STAMBPL1: variants seen among roughly 807,000 people sequenced by gnomAD.
STAMBPL1 encodes STAM binding protein like 1, also known as AMSH-like protease.
Under a neutral mutation model 52.9 loss-of-function variants are expected in STAMBPL1, and 44 were observed. The observed-to-expected ratio is 0.83, with a 90% CI of 0.65 to 1.07. The LOEUF (loss-of-function observed/expected upper bound fraction) is 1.07. Ranked by LOEUF, STAMBPL1 falls within the 50% of genes least tolerant of loss-of-function variation. The probability of loss-of-function intolerance (pLI) is 0.00; values close to 1 mark genes in which losing one functional copy is unlikely to be tolerated. For synonymous variants in STAMBPL1, 164 were observed against 177.3 expected, an observed-to-expected ratio of 0.92 and a Z score of 0.60; for missense variants, 511 against 520.8, an observed-to-expected ratio of 0.98 and a Z score of 0.18.
intron 1 of STAMBPL1, among the ~76,000 whole-genome samples, chr10:88,884,689 T>A (rs893396262): frequency 1.3e-5 from 2 of 152,206 alleles, no homozygotes; most frequent in African/African-American, 4.8e-5. Flanking sequence ...TGCGGAGCCC[T>A]GGTGTAACCT....
chr10:88,886,523 CT>C (rs575488502), intron 1 of STAMBPL1, among the ~76,000 whole-genome samples: 31 of 148,262 alleles, frequency 2.1e-4, no homozygotes, highest in African/African-American at 3.9e-4. Flanking sequence ...GTGAATTTGG[CT>C]TTTTTTTTTA....
chr10:88,922,756 T>C (rs552635049), intron 10 of STAMBPL1, among the ~76,000 whole-genome samples: 4 of 152,282 alleles, frequency 2.6e-5, no homozygotes, highest in East Asian at 1.9e-4. Context: ...GAAAATGACA[T>C]TTAAAATGTT....
chr10:88,901,729 G>A lies in STAMBPL1; in HGVS notation c.21G>A (p.Val7=). 2 of 1,612,446 alleles carry A rather than the reference G, an allele frequency of 1.2e-6. No homozygotes were observed. The highest frequency in any genetic ancestry group is 1.7e-6 in the Non-Finnish European group (2 of 1,179,344). Residue 7 remains valine (V), a synonymous_variant, in exon 2 of 11, where the codon GTG becomes GTA. Transcript: ENST00000371926. ...ACAACATGGATCAGCCTTTTACTGT[G>A]AATTCTCTGGTAGGTCACACCAGCT... MDQPFT[V]NSLKKLAAMP...
chr10:88,891,597 A>C (rs1386251231), intron 1 of STAMBPL1, among the ~76,000 whole-genome samples: 1 of 152,244 alleles, frequency 6.6e-6, no homozygotes, highest in Non-Finnish European at 1.5e-5. Context: ...CATCATTAAT[A>C]ATTGAACAAA....
At chr10:88,913,487 C>T in intron 6 of STAMBPL1, 29 bp downstream of exon 6, 1 of 1,560,640 alleles carries the variant, frequency 6.4e-7, no homozygotes, top group East Asian at 2.2e-5. Flanking sequence ...CCATGTGAGA[C>T]ACTGAGCCTC....
At position 88,923,245 on chromosome 10, in the gene STAMBPL1, C is replaced by T. The variant is rs376278638; in HGVS notation, c.*21C>T. ...GGTGATATGTTCTGAATGTAAGCACCGTCAACATCAGACACCTACTCATGG... is the reference window on the plus strand; with the variant it reads ...GGTGATATGTTCTGAATGTAAGCACTGTCAACATCAGACACCTACTCATGG... On this transcript the variant is annotated 3_prime_UTR_variant, in exon 11 of 11. Transcript: ENST00000371926. The T allele has an allele frequency of 3.2e-5, 50 of 1,583,126 alleles. No homozygotes were observed. Among genetic ancestry groups the T allele is most frequent in the African/African-American group, 2.7e-4 (20 of 73,102 alleles).
Position 88,913,434 on chromosome 10 carries a change from G to C in STAMBPL1, c.754G>C (p.Ala252Pro). The stretch of plus-strand genomic sequence containing the variant: ...TCCTGTAAACAGGGCCTTAACGCCA[G>C]CTGCTACTCTAAGTGCTGTTCAGAG... The part of the protein sequence containing the change: ...SPPVNRALTP[A>P]ATLSAVQNLV... The change falls in exon 6 of 11, where the codon GCT (alanine) becomes CCT (proline). Residue 252 changes from alanine (A) to proline (P), a missense_variant. Ala to Pro is a conservative substitution (Grantham distance 27). This residue lies in a region of STAMBPL1 where 358 missense variants were observed against 343.5 expected (regional missense o/e 1.04). Coordinates refer to ENST00000371926, the MANE Select transcript of STAMBPL1 (RefSeq NM_020799.4). 6.2e-7 allele frequency: 1 copy of C among 1,613,018 alleles called. No individual in the cohort carries two copies. The highest frequency in any genetic ancestry group is 8.5e-7 in the Non-Finnish European group (1 of 1,179,366).
intron 4 of STAMBPL1, among the ~76,000 whole-genome samples, chr10:88,910,146 A>T (rs867130926): frequency 2.0e-5 from 3 of 152,174 alleles, no homozygotes; most frequent in Non-Finnish European, 2.9e-5. Context: ...AGATATATGA[A>T]TAAATACATA....
Position 88,918,306 on chromosome 10 carries a change from T to TAC in STAMBPL1, c.1041+1507_1041+1508dup, listed in dbSNP as rs199604099. Among the ~76,000 whole-genome samples, 138 of 143,440 alleles carry TAC rather than the reference T, an allele frequency of 9.6e-4. 1 individual carries two copies. Among genetic ancestry groups the TAC allele is most frequent in the East Asian group, 8.6e-3 (42 of 4,894 alleles). 94.1% of individuals were successfully genotyped at this position (143,440 alleles called of 152,430 possible). On this transcript the variant is annotated intron_variant, in intron 8 of 10. Transcript: ENST00000371926. ...GCACACACACACACACACACACACATACACACACACACACACACATTTCCT... is the reference window on the plus strand; with the variant it reads ...GCACACACACACACACACACACACATACACACACACACACACACACATTTCCT...
At chr10:88,883,879 A>G (rs1430211871) in intron 1 of STAMBPL1, among the ~76,000 whole-genome samples, 1 of 152,140 alleles carries the variant, frequency 6.6e-6, no homozygotes, top group East Asian at 1.9e-4. Flanking sequence ...TTGAATATTA[A>G]GGATGTTATG....
Position 88,921,396 on chromosome 10 carries a change from G to A in STAMBPL1, c.1154+1G>A, listed in dbSNP as rs779971862. On this transcript the variant is annotated splice_donor_variant, in intron 9 of 10. Transcript: ENST00000371926. LOFTEE classifies it high-confidence loss of function. ...TTGTTTGCTCACCAAAGCATAAAGAGTAAGTGTAACTCTTCAGGGGAGACC... is the reference window on the plus strand; with the variant it reads ...TTGTTTGCTCACCAAAGCATAAAGAATAAGTGTAACTCTTCAGGGGAGACC... 1 of 1,610,976 alleles carries A rather than the reference G, an allele frequency of 6.2e-7. No individual in the cohort carries two copies. Among genetic ancestry groups the A allele is most frequent in the Non-Finnish European group, 8.5e-7 (1 of 1,177,676 alleles).
chr10:88,903,892 G>A (rs181215054), intron 2 of STAMBPL1, among the ~76,000 whole-genome samples: 1 of 152,270 alleles, frequency 6.6e-6, no homozygotes, highest in East Asian at 1.9e-4. Context: ...ATGGGTCTCT[G>A]GTTACATATT....
chr10:88,904,685 G>A (rs1457004572), intron 2 of STAMBPL1, among the ~76,000 whole-genome samples: 13 of 152,094 alleles, frequency 8.5e-5, no homozygotes, highest in Non-Finnish European at 1.9e-4. Flanking sequence ...ATTCTGAATT[G>A]CATATGTTCT....
At chr10:88,916,454 G>A (rs2133206575) in intron 7 of STAMBPL1, among the ~76,000 whole-genome samples, 1 of 150,492 alleles carries the variant, frequency 6.6e-6, no homozygotes. Flanking sequence ...ACAAACAACT[G>A]ATTCTCAAAG....
chr10:88,912,187 C>T (rs1845242068), intron 5 of STAMBPL1, among the ~76,000 whole-genome samples: 1 of 152,128 alleles, frequency 6.6e-6, no homozygotes, highest in African/African-American at 2.4e-5. Flanking sequence ...AATCTCAGGC[C>T]CCACCCCAGA....
chr10:88,903,677 A>C (rs781043379), intron 2 of STAMBPL1, among the ~76,000 whole-genome samples: 8 of 152,096 alleles, frequency 5.3e-5, no homozygotes, highest in Non-Finnish European at 1.0e-4. Context: ...GGTGCTGTTG[A>C]GTTCTATAGC....
At chr10:88,886,612 G>A (rs1364748012) in intron 1 of STAMBPL1, among the ~76,000 whole-genome samples, 1 of 152,034 alleles carries the variant, frequency 6.6e-6, no homozygotes, top group Non-Finnish European at 1.5e-5. Context: ...AGAGATAACT[G>A]TTAAGAGGCC....
At position 88,908,717 on chromosome 10, in the gene STAMBPL1, G is replaced by T. The variant is rs1251958631; in HGVS notation, c.264G>T (p.Lys88Asn). 1.2e-6 allele frequency: 2 copies of T among 1,609,356 alleles called. No homozygotes were observed. Among genetic ancestry groups the T allele is most frequent in the Non-Finnish European group, 1.7e-6 (2 of 1,178,474 alleles). ...YNKFITLFVE[K>N]LPNHRDYQQC... ...TCTTCCTTAGCTTATTTGTAGAAAAGCTTCCTAACCATCGAGATTACCAGC... is the reference window on the plus strand; with the variant it reads ...TCTTCCTTAGCTTATTTGTAGAAAATCTTCCTAACCATCGAGATTACCAGC... Residue 88 changes from lysine (K) to asparagine (N), a missense_variant, in exon 4 of 11, where the codon AAG (lysine) becomes AAT (asparagine). By Grantham distance (94) the Lys-to-Asn change is moderately conservative. Coordinates refer to ENST00000371926, the MANE Select transcript of STAMBPL1 (RefSeq NM_020799.4).
chr10:88,892,508 A>G (rs1280291726), intron 1 of STAMBPL1, among the ~76,000 whole-genome samples: 2 of 152,288 alleles, frequency 1.3e-5, no homozygotes, highest in Non-Finnish European at 2.9e-5. Context: ...AAGGGGATGA[A>G]TGGTGAGCAA....
Sources: gnomAD v4.1 joint callset for allele counts (sites outside exome capture counted in the v4.1 genomes callset) on GRCh38, gnomAD v4.1.1 for gene constraint, gnomAD v4.1.1 regional missense constraint, MANE v1.5 for transcripts, NCBI Gene and HGNC (gene_info 2026-07-23, HGNC 2026-07-21) for gene names.